C5orf47: variants seen among roughly 807,000 people sequenced by gnomAD.
The protein encoded by C5orf47 is uncharacterized protein C5orf47.
Under a neutral mutation model 20.6 loss-of-function variants are expected in C5orf47, and 20 were observed. The ratio of observed to expected loss-of-function variants is 0.97; its 90% CI spans 0.68 to 1.41. The LOEUF (loss-of-function observed/expected upper bound fraction) is 1.41, where lower values mean the gene tolerates loss of function less well. Among genes scored for constraint, C5orf47 ranks in the 40% most tolerant of loss-of-function variants. The pLI, the probability that C5orf47 is intolerant of heterozygous loss-of-function variation, is 0.00. For synonymous variants in C5orf47, 106 were observed against 97.3 expected (o/e 1.09, Z -0.53); for missense variants, 262 against 238.4 (o/e 1.10, Z -0.65).
At chr5:174,004,011 C>T (rs1356519819) in intron 4 of C5orf47, among the ~76,000 whole-genome samples, 1 of 152,120 alleles carries the variant, frequency 6.6e-6, no homozygotes, top group Non-Finnish European at 1.5e-5. Flanking sequence ...TTCTGTGACA[C>T]ATTTCTTGCA....
chr5:174,000,496 C>CT (rs1759176512), intron 3 of C5orf47, among the ~76,000 whole-genome samples: 1 of 152,078 alleles, frequency 6.6e-6, no homozygotes. Flanking sequence ...GCATTTCTTT[C>CT]TTTAACATGT....
Position 174,001,183 on chromosome 5 carries a change from A to G in C5orf47, c.512-13A>G. On this transcript the variant is annotated splice_polypyrimidine_tract_variant and intron_variant, in intron 3 of 4. Transcript: ENST00000340147. ...CCAACTTAAATTTTCCTTATTTTTT[A>G]TGTTGTTTGCAGGCTCAAATTACAC... The G allele has an allele frequency of 2.0e-6, 3 of 1,513,076 alleles. No individual in the cohort carries two copies. Among genetic ancestry groups the G allele is most frequent in the Non-Finnish European group, 1.8e-6 (2 of 1,115,854 alleles). 93.7% of individuals were successfully genotyped at this position (1,513,076 alleles called of 1,614,324 possible). A position where few individuals can be genotyped will look rare whatever the true frequency, so the allele number is the denominator to read the frequency against.
chr5:174,007,428 T>C (rs1759308908), downstream of C5orf47, among the ~76,000 whole-genome samples: 1 of 152,158 alleles, frequency 6.6e-6, no homozygotes, highest in South Asian at 2.1e-4. Context: ...AGCAGGAGCA[T>C]GGTATATAGC....
At chr5:173,991,876 G>A (rs1157522990) in intron 1 of C5orf47, among the ~76,000 whole-genome samples, 1 of 152,026 alleles carries the variant, frequency 6.6e-6, no homozygotes, top group Non-Finnish European at 1.5e-5. Flanking sequence ...ATAGAATGTT[G>A]GGATTATCTT....
chr5:174,002,419 C>T (rs1419967504), intron 4 of C5orf47, among the ~76,000 whole-genome samples: 1 of 152,030 alleles, frequency 6.6e-6, no homozygotes, highest in Non-Finnish European at 1.5e-5. Context: ...GAATTTTGGG[C>T]TGAGGATTTG....
downstream of C5orf47, among the ~76,000 whole-genome samples, chr5:174,009,179 C>G (rs1176474822): frequency 1.3e-5 from 2 of 152,050 alleles, no homozygotes; most frequent in African/African-American, 4.8e-5. Flanking sequence ...CCACTGTACT[C>G]CAGCCTGGGT....
downstream of C5orf47, among the ~76,000 whole-genome samples, chr5:174,008,663 T>C (rs1001993625): frequency 3.3e-5 from 5 of 151,726 alleles, no homozygotes; most frequent in Admixed American, 6.6e-5. Flanking sequence ...AAACCCCGTC[T>C]CTACTAAAAA....
intron 1 of C5orf47, among the ~76,000 whole-genome samples, chr5:173,993,015 CT>C (rs1324207794): frequency 3.3e-5 from 5 of 152,214 alleles, no homozygotes; most frequent in South Asian, 4.1e-4. Flanking sequence ...AATTTCTCCC[CT>C]ATAGTCTGTA....
chr5:173,996,064 G>A (rs926585177), intron 1 of C5orf47, among the ~76,000 whole-genome samples: 1 of 152,210 alleles, frequency 6.6e-6, no homozygotes, highest in African/African-American at 2.4e-5. Context: ...ACAAATGAAT[G>A]TTTTGGAAGT....
At chr5:174,006,249 G>A (rs1474066544), downstream of C5orf47, 1 of 152,316 alleles carries the variant, frequency 6.6e-6, no homozygotes, top group Non-Finnish European at 1.5e-5. Context: ...CCTCTGTGTG[G>A]ATGAAAGGCA....
At chr5:173,998,742 A>G (rs1024068178) in intron 2 of C5orf47, among the ~76,000 whole-genome samples, 2 of 152,196 alleles carry the variant, frequency 1.3e-5, no homozygotes, top group Non-Finnish European at 2.9e-5. Flanking sequence ...GAACATATTC[A>G]AGACCGGATG....
intron 2 of C5orf47, 106 bp downstream of exon 2, chr5:173,998,344 G>A: frequency 8.4e-6 from 5 of 595,022 alleles, no homozygotes; most frequent in Non-Finnish European, 1.4e-5. Flanking sequence ...ACCATCTTTT[G>A]AATAATTTAA....
chr5:174,007,588 C>T (rs775095334), downstream of C5orf47, among the ~76,000 whole-genome samples: 8 of 141,172 alleles, frequency 5.7e-5, no homozygotes, highest in Non-Finnish European at 9.0e-5. Context: ...GACGGAGTCT[C>T]GCTCTGATGC....
At position 173,989,251 on chromosome 5, in the gene C5orf47, G is replaced by T; in HGVS notation, c.-13G>T. On this transcript the variant is annotated 5_prime_UTR_variant, in exon 1 of 5. Coordinates refer to ENST00000340147, the MANE Select transcript of C5orf47 (RefSeq NM_001144954.2). ...GTTTGCTGAGGGCCCGGCTGCCGTT[G>T]ACTGAGGCTGCGATGGCGGCGGCAG... is the stretch of plus-strand genomic sequence containing the variant. 1 of 1,382,118 alleles carries T rather than the reference G, an allele frequency of 7.2e-7. No individual in the cohort carries two copies. The highest frequency in any genetic ancestry group is 1.7e-5 in the South Asian group (1 of 58,830). 85.6% of individuals were successfully genotyped at this position (1,382,118 alleles called of 1,614,324 possible). A position where few individuals can be genotyped will look rare whatever the true frequency, so the allele number is the denominator to read the frequency against.
chr5:173,995,167 A>G (rs888861304), intron 1 of C5orf47, among the ~76,000 whole-genome samples: 4 of 152,236 alleles, frequency 2.6e-5, no homozygotes, highest in African/African-American at 9.6e-5. Flanking sequence ...CTATAGGGAA[A>G]AAGATGAATT....
intron 4 of C5orf47, among the ~76,000 whole-genome samples, chr5:174,002,334 T>C (rs1481270284): frequency 6.6e-6 from 1 of 152,154 alleles, no homozygotes; most frequent in Non-Finnish European, 1.5e-5. Flanking sequence ...TACACTTTGA[T>C]TAAAAATTCT....
At chr5:173,998,275 T>A in intron 2 of C5orf47, 37 bp downstream of exon 2, 4 of 1,083,444 alleles carry the variant, frequency 3.7e-6, no homozygotes, top group Non-Finnish European at 5.4e-6. Flanking sequence ...AATATTTGAA[T>A]TTTAGATCAT....
intron 1 of C5orf47, among the ~76,000 whole-genome samples, chr5:173,997,768 A>G (rs1209219923): frequency 6.6e-6 from 1 of 152,076 alleles, no homozygotes; most frequent in Non-Finnish European, 1.5e-5. Flanking sequence ...AGGTACCACA[A>G]GGTATTGTGT....
intron 1 of C5orf47, among the ~76,000 whole-genome samples, chr5:173,992,389 A>G (rs927254884): frequency 6.6e-6 from 1 of 151,546 alleles, no homozygotes; most frequent in Admixed American, 6.6e-5. Context: ...CTGGAGAGAC[A>G]GAGTGAGAAC....
Sources: gnomAD v4.1 joint callset for allele counts (sites outside exome capture counted in the v4.1 genomes callset) on GRCh38, gnomAD v4.1.1 for gene constraint, MANE v1.5 for transcripts, NCBI Gene and HGNC (gene_info 2026-07-23, HGNC 2026-07-21) for gene names.